ST6GALNAC3: variants seen among roughly 807,000 people sequenced by gnomAD.
ST6GALNAC3 encodes alpha-N-acetylgalactosaminide alpha-2,6-sialyltransferase 3.
A neutral mutation model predicts 32.7 loss-of-function variants in ST6GALNAC3; 25 were observed. The observed-to-expected ratio is 0.76, with a 90% CI of 0.56 to 1.07. The LOEUF (loss-of-function observed/expected upper bound fraction) is 1.07, where lower values mean the gene tolerates loss of function less well. Among genes scored for constraint, ST6GALNAC3 ranks in the 50% least tolerant of loss-of-function variants. The probability of loss-of-function intolerance (pLI) is 0.00; values close to 1 mark genes in which losing one functional copy is unlikely to be tolerated. For synonymous variants in ST6GALNAC3, 129 were observed against 133.1 expected, an observed-to-expected ratio of 0.97 and a Z score of 0.21; for missense variants, 355 against 382.4, an observed-to-expected ratio of 0.93 and a Z score of 0.60.
chr1:76,103,347 C>T (rs761225146), intron 1 of ST6GALNAC3, among the ~76,000 whole-genome samples: 1 of 152,000 alleles, frequency 6.6e-6, no homozygotes, highest in South Asian at 2.1e-4. Flanking sequence ...ATGTGTTATA[C>T]CTCCTCACTG....
rs1649245731 is a variant in ST6GALNAC3, at chr1:76,630,584, A to G, written c.*1778A>G. The G allele has an allele frequency of 1.0e-6, 1 of 985,522 alleles. No individual in the cohort carries two copies. 61.0% of individuals were successfully genotyped at this position (985,522 alleles called of 1,614,324 possible). A position where few individuals can be genotyped will look rare whatever the true frequency, so the allele number is the denominator to read the frequency against. Reference sequence around the variant, plus strand: ...AATGTTTTGGAAACTGGAAGTAATGATACATTTCACTTCAGAAGCACTTGT... The same window carrying G: ...AATGTTTTGGAAACTGGAAGTAATGGTACATTTCACTTCAGAAGCACTTGT... On this transcript the variant is annotated 3_prime_UTR_variant, in exon 5 of 5. Transcript: ENST00000328299.
intron 3 of ST6GALNAC3, among the ~76,000 whole-genome samples, chr1:76,548,450 C>T (rs561061009): frequency 6.6e-6 from 1 of 152,266 alleles, no homozygotes; most frequent in African/African-American, 2.4e-5. Context: ...TCATCTCATA[C>T]CATTGGCTTC....
intron 3 of ST6GALNAC3, among the ~76,000 whole-genome samples, chr1:76,612,625 A>G (rs1648011288): frequency 6.6e-6 from 1 of 152,190 alleles, no homozygotes; most frequent in Non-Finnish European, 1.5e-5. Context: ...ACCATGGTTG[A>G]GAGCACTTAG....
intron 1 of ST6GALNAC3, among the ~76,000 whole-genome samples, chr1:76,241,864 G>A (rs1338872813): frequency 6.6e-6 from 1 of 152,110 alleles, no homozygotes; most frequent in Non-Finnish European, 1.5e-5. Context: ...TTAAGATTAT[G>A]TGTGTGACTC....
intron 1 of ST6GALNAC3, among the ~76,000 whole-genome samples, chr1:76,308,138 C>T (rs1257419046): frequency 6.6e-6 from 1 of 152,076 alleles, no homozygotes; most frequent in African/African-American, 2.4e-5. Flanking sequence ...ATAAGTTACA[C>T]TGAACAGTTC....
In ST6GALNAC3 at chr1:76,630,440, T is replaced by C. The variant is rs1178501124; in HGVS notation, c.*1634T>C. ...TTTCCTAGGATTGAGACAATTCTATTTTTCATATACTCGTTGCTCATTAAA... is the reference window on the plus strand; with the variant it reads ...TTTCCTAGGATTGAGACAATTCTATCTTTCATATACTCGTTGCTCATTAAA... On this transcript the variant is annotated 3_prime_UTR_variant, in exon 5 of 5. Transcript: ENST00000328299. 1 of 985,106 alleles carries C rather than the reference T, an allele frequency of 1.0e-6. No individual in the cohort carries two copies. The highest frequency in any genetic ancestry group is 1.7e-5 in the African/African-American group (1 of 57,192). 61.0% of individuals were successfully genotyped at this position (985,106 alleles called of 1,614,324 possible). A position where few individuals can be genotyped will look rare whatever the true frequency, so the allele number is the denominator to read the frequency against.
At chr1:76,310,087 A>G in intron 1 of ST6GALNAC3, 1 of 425,480 alleles carries the variant, frequency 2.4e-6, no homozygotes. Context: ...AGAACCAGAG[A>G]GCCGTGCTGA....
chr1:76,258,124 C>T (rs908956966), intron 1 of ST6GALNAC3, among the ~76,000 whole-genome samples: 2 of 152,176 alleles, frequency 1.3e-5, no homozygotes, highest in South Asian at 2.1e-4. Flanking sequence ...GATATGTTCT[C>T]AAAGTAGAAT....
chr1:76,263,855 T>C (rs1658382996), intron 1 of ST6GALNAC3, among the ~76,000 whole-genome samples: 1 of 152,176 alleles, frequency 6.6e-6, no homozygotes, highest in Non-Finnish European at 1.5e-5. Flanking sequence ...CTTTTATCTG[T>C]TGATGAGCTT....
At chr1:76,184,214 T>G (rs1185181390) in intron 1 of ST6GALNAC3, among the ~76,000 whole-genome samples, 2 of 152,060 alleles carry the variant, frequency 1.3e-5, no homozygotes, top group Non-Finnish European at 2.9e-5. Flanking sequence ...TAAAGGTAAG[T>G]CAGCTTATCC....
chr1:76,416,774 C>G (rs1466267811), intron 3 of ST6GALNAC3, among the ~76,000 whole-genome samples: 1 of 151,642 alleles, frequency 6.6e-6, no homozygotes, highest in Admixed American at 6.6e-5. Flanking sequence ...ACTACAGGCA[C>G]GCACCACCAT....
At chr1:76,187,523 G>A (rs1421741767) in intron 1 of ST6GALNAC3, among the ~76,000 whole-genome samples, 4 of 152,120 alleles carry the variant, frequency 2.6e-5, no homozygotes, top group Non-Finnish European at 5.9e-5. Context: ...ATAAATCATG[G>A]AATTCAGGCA....
rs542982961 is a variant in ST6GALNAC3, at chr1:76,628,822, T to C, written c.*16T>C. On this transcript the variant is annotated 3_prime_UTR_variant, in exon 5 of 5. Coordinates refer to ENST00000328299, the MANE Select transcript of ST6GALNAC3 (RefSeq NM_152996.4). ...ATTGTCTTGATAATGGTTTTCCTGA[T>C]CTTGCCGCATCACTTAATGTGATCC... 6.2e-7 allele frequency: 1 copy of C among 1,608,644 alleles called. No homozygotes were observed. Among genetic ancestry groups the C allele is most frequent in the African/African-American group, 1.3e-5 (1 of 74,542 alleles).
chr1:76,137,504 T>C (rs1020356795), intron 1 of ST6GALNAC3, among the ~76,000 whole-genome samples: 1 of 152,124 alleles, frequency 6.6e-6, no homozygotes. Flanking sequence ...TAGAAACAAA[T>C]GCAATGAAAG....
At chr1:76,287,268 T>G (rs193189615) in intron 1 of ST6GALNAC3, among the ~76,000 whole-genome samples, 1 of 152,230 alleles carries the variant, frequency 6.6e-6, no homozygotes, top group African/African-American at 2.4e-5. Context: ...GTTTGTGAAC[T>G]TGGTCATAAT....
At chr1:76,249,108 A>G (rs970771549) in intron 1 of ST6GALNAC3, among the ~76,000 whole-genome samples, 1 of 152,226 alleles carries the variant, frequency 6.6e-6, no homozygotes, top group African/African-American at 2.4e-5. Context: ...TAGAGATAAA[A>G]TTCACTTACT....
At chr1:76,555,991 C>T (rs998020519) in intron 3 of ST6GALNAC3, among the ~76,000 whole-genome samples, 3 of 151,980 alleles carry the variant, frequency 2.0e-5, no homozygotes, top group African/African-American at 7.2e-5. Flanking sequence ...ACATTTTTAT[C>T]ACTTCAAAAG....
chr1:76,337,504 T>A (rs1647598751), intron 2 of ST6GALNAC3, among the ~76,000 whole-genome samples: 1 of 152,084 alleles, frequency 6.6e-6, no homozygotes, highest in Admixed American at 6.5e-5. Context: ...GGGTGTCTTC[T>A]TCTTGGAAGG....
chr1:76,209,950 C>T (rs557999254), intron 1 of ST6GALNAC3, among the ~76,000 whole-genome samples: 137 of 152,262 alleles, frequency 9.0e-4, no homozygotes, highest in Non-Finnish European at 1.7e-3. Context: ...ATTAAGATAA[C>T]GTTGTCTCCA....
Sources: allele counts gnomAD v4.1 joint callset (sites outside exome capture counted in the v4.1 genomes callset), GRCh38; gene constraint gnomAD v4.1.1; transcripts MANE v1.5; gene names NCBI Gene and HGNC (gene_info 2026-07-23, HGNC 2026-07-21).